Variants in PCDH11X observed in about 807,000 individuals in gnomAD.
PCDH11X encodes protocadherin 11 X-linked.
Under a neutral mutation model 53.3 loss-of-function variants are expected in PCDH11X, and 18 were observed. The ratio of observed to expected loss-of-function variants is 0.34; its 90% CI spans 0.23 to 0.50. PCDH11X has a LOEUF of 0.50. Ranked by LOEUF, PCDH11X falls within the 20% of genes least tolerant of loss-of-function variation. The pLI, the probability that PCDH11X is intolerant of heterozygous loss-of-function variation, is 0.98. For synonymous variants in PCDH11X, 279 were observed against 393.3 expected, an observed-to-expected ratio of 0.71 and a Z score of 3.44; for missense variants, 570 against 1,032.4, an observed-to-expected ratio of 0.55 and a Z score of 6.14.
intron 10 of PCDH11X, among the ~76,000 whole-genome samples, chrX:92,574,595 C>T (rs1453552598): frequency 1.8e-5 from 2 of 110,778 alleles, no homozygotes; most frequent in Non-Finnish European, 3.8e-5. Context: ...ATAATAAACC[C>T]GTCAGTTAAT....
chrX:92,561,346 A>G lies in PCDH11X; in HGVS notation c.3368-56918A>G, dbSNP rs751387743. Among the ~76,000 whole-genome samples, 3 of 102,973 alleles carry G rather than the reference A, an allele frequency of 2.9e-5. No homozygotes were observed. In the South Asian group the frequency reaches 1.5e-3, roughly 52 times the overall value. The allele number at this position is 102,973 out of a possible 115,157, so 89.4% of individuals were successfully genotyped here. On this transcript the variant is annotated intron_variant, in intron 10 of 10. Coordinates refer to ENST00000682573, the MANE Select transcript of PCDH11X (RefSeq NM_032968.5). ...AATCCTAGAAAAATAGAGATATATGACTTTTTAGATAGAGAATTCAAAATA... is the reference window on the plus strand; with the variant it reads ...AATCCTAGAAAAATAGAGATATATGGCTTTTTAGATAGAGAATTCAAAATA...
chrX:92,354,007 T>G (rs113658348), intron 8 of PCDH11X, among the ~76,000 whole-genome samples: 8,160 of 79,421 alleles, frequency 0.1, 630 homozygotes, highest in Middle Eastern at 0.18. Flanking sequence ...TCTGCTGTAG[T>G]TGAGCTTCCA....
chrX:91,986,366 ATTCT>A (rs1209604907), intron 6 of PCDH11X, among the ~76,000 whole-genome samples: 1 of 111,827 alleles, frequency 8.9e-6, no homozygotes, highest in Non-Finnish European at 1.9e-5. Context: ...TTTAAAATTC[ATTCT>A]TTATGTATGT....
chrX:92,326,639 T>G (rs451475), intron 8 of PCDH11X, among the ~76,000 whole-genome samples: 15,909 of 39,638 alleles, frequency 0.4, 4,241 homozygotes, highest in East Asian at 0.52. Context: ...TATATATATA[T>G]AGAGAGAGAG....
chrX:92,146,401 T>C (rs763402613), intron 6 of PCDH11X, among the ~76,000 whole-genome samples: 2 of 110,661 alleles, frequency 1.8e-5, no homozygotes, highest in East Asian at 5.7e-4. Context: ...TAGCTAAGAG[T>C]CAAAATGCCT....
At chrX:92,098,152 T>G (rs1045893977) in intron 6 of PCDH11X, among the ~76,000 whole-genome samples, 1 of 110,764 alleles carries the variant, frequency 9.0e-6, no homozygotes, top group African/African-American at 3.3e-5. Flanking sequence ...GATATCTTAT[T>G]GATCCTAGGG....
Position 92,464,930 on chromosome X carries a change from A to G in PCDH11X, c.3344-3369A>G, listed in dbSNP as rs1220231637. On this transcript the variant is annotated intron_variant, in intron 9 of 10. Transcript: ENST00000682573. ...TCTGCCATATCCTGTGACCTGCAGT[A>G]TAAACTACTGTGTGGCTTTGCATAA... Among the ~76,000 whole-genome samples, 5 of 111,752 alleles carry G rather than the reference A, an allele frequency of 4.5e-5. No individual in the cohort carries two copies. The East Asian group carries it at 1.4e-3, about 31-fold the overall frequency.
chrX:92,164,487 C>CATGT (rs2065698003), intron 6 of PCDH11X, among the ~76,000 whole-genome samples: 1 of 111,913 alleles, frequency 8.9e-6, no homozygotes, highest in African/African-American at 3.2e-5. Flanking sequence ...GCAGGAATAA[C>CATGT]ATGTATTCAT....
At chrX:92,082,031 A>C (rs2148102353) in intron 6 of PCDH11X, among the ~76,000 whole-genome samples, 1 of 110,650 alleles carries the variant, frequency 9.0e-6, no homozygotes, top group East Asian at 2.9e-4. Flanking sequence ...TCTTTGTTTC[A>C]CTAATGGGGA....
chrX:92,255,879 G>A (rs1277543194), intron 7 of PCDH11X, among the ~76,000 whole-genome samples: 1 of 112,487 alleles, frequency 8.9e-6, no homozygotes, highest in East Asian at 2.8e-4. Context: ...GGTTACTGCT[G>A]TCTTTTTGTT....
At chrX:91,993,160 A>G (rs1011817579) in intron 6 of PCDH11X, among the ~76,000 whole-genome samples, 6 of 112,377 alleles carry the variant, frequency 5.3e-5, no homozygotes, top group African/African-American at 1.9e-4. Context: ...ATTTGCATGC[A>G]TAACTAAGCA....
chrX:92,004,382 T>C (rs1378658738), intron 6 of PCDH11X, among the ~76,000 whole-genome samples: 1 of 111,119 alleles, frequency 9.0e-6, no homozygotes, highest in African/African-American at 3.3e-5. Context: ...GTTCTGTAAA[T>C]ATCTATTAGG....
At chrX:92,230,665 G>A (rs916244848) in intron 7 of PCDH11X, among the ~76,000 whole-genome samples, 4 of 100,071 alleles carry the variant, frequency 4.0e-5, no homozygotes, top group African/African-American at 7.3e-5. Context: ...AAGTCATCCC[G>A]GTTTGGTGAA....
At position 91,983,608 on chromosome X, in the gene PCDH11X, C is replaced by T. The variant is rs137999715; in HGVS notation, c.3033+104335C>T. ...GGAGCCAGCTGCGGGGCCCAACTCCCGTTTTTAAAACCATCAGATCTCGGG... is the reference window on the plus strand; with the variant it reads ...GGAGCCAGCTGCGGGGCCCAACTCCTGTTTTTAAAACCATCAGATCTCGGG... On this transcript the variant is annotated intron_variant, in intron 6 of 10. Coordinates refer to ENST00000682573, the MANE Select transcript of PCDH11X (RefSeq NM_032968.5). The T allele has an allele frequency of 9.9e-3, 3,820 of 385,238 alleles. 33 individuals carry two copies. Among genetic ancestry groups the T allele is most frequent in the Middle Eastern group, 0.016 (21 of 1,304 alleles). 31.7% of individuals were successfully genotyped at this position (385,238 alleles called of 1,213,427 possible).
At chrX:92,458,838 C>T (rs1276308184) in intron 9 of PCDH11X, among the ~76,000 whole-genome samples, 3 of 106,733 alleles carry the variant, frequency 2.8e-5, no homozygotes, top group Non-Finnish European at 5.8e-5. Flanking sequence ...AAAATAAACA[C>T]GGGAGTGCAG....
At chrX:92,408,561 AT>A (rs67798518) in intron 9 of PCDH11X, among the ~76,000 whole-genome samples, 4 of 108,226 alleles carry the variant, frequency 3.7e-5, no homozygotes, top group Non-Finnish European at 7.6e-5. Context: ...AAGAAATAGT[AT>A]TTTTTTTATT....
intron 7 of PCDH11X, among the ~76,000 whole-genome samples, chrX:92,202,750 G>A (rs1302264102): frequency 1.8e-5 from 2 of 111,894 alleles, no homozygotes; most frequent in African/African-American, 6.5e-5. Flanking sequence ...GGCTGGGTGC[G>A]GTGGCTCACG....
intron 4 of PCDH11X, among the ~76,000 whole-genome samples, chrX:91,829,442 ACC>A (rs1162854585): frequency 0.1 from 7,144 of 69,977 alleles, 618 homozygotes; most frequent in African/African-American, 0.33. Context: ...ACACACACAC[ACC>A]CACAATTATA....
intron 6 of PCDH11X, among the ~76,000 whole-genome samples, chrX:91,990,623 T>C (rs747532683): frequency 9.0e-6 from 1 of 110,914 alleles, no homozygotes; most frequent in South Asian, 3.9e-4. Flanking sequence ...ACCACTCCAG[T>C]GAGAAAGGGG....
Sources: gnomAD v4.1 joint callset for allele counts (sites outside exome capture counted in the v4.1 genomes callset) on GRCh38, gnomAD v4.1.1 for gene constraint, MANE v1.5 for transcripts, NCBI Gene and HGNC (gene_info 2026-07-23, HGNC 2026-07-21) for gene names.